GNG7: variants seen among roughly 807,000 people sequenced by gnomAD.
GNG7 encodes the protein guanine nucleotide-binding protein G(I)/G(S)/G(O) subunit gamma-7.
GNG7 carries 1 observed loss-of-function variant against 4.0 expected under a neutral mutation model. That is an observed-to-expected ratio of 0.25 (90% CI 0.09 to 1.18). The LOEUF (loss-of-function observed/expected upper bound fraction) is 1.18, where lower values mean the gene tolerates loss of function less well. Ranked by LOEUF, GNG7 falls within the 50% of genes most tolerant of loss-of-function variation. GNG7 has a pLI of 0.50. For synonymous variants in GNG7, 34 were observed against 36.9 expected, an observed-to-expected ratio of 0.92 and a Z score of 0.29; for missense variants, 86 against 91.9, an observed-to-expected ratio of 0.94 and a Z score of 0.26.
intron 2 of GNG7, among the ~76,000 whole-genome samples, chr19:2,588,237 G>C (rs1980734470): frequency 6.6e-6 from 1 of 152,176 alleles, no homozygotes; most frequent in African/African-American, 2.4e-5. Context: ...GGCGTGAGAG[G>C]GTGGCCGGGG....
chr19:2,589,893 C>T (rs1251298750), intron 2 of GNG7, among the ~76,000 whole-genome samples: 1 of 152,154 alleles, frequency 6.6e-6, no homozygotes, highest in Non-Finnish European at 1.5e-5. Flanking sequence ...CTCACTGCAA[C>T]CTCCACCTCC....
At chr19:2,603,040 TC>T (rs910978010) in intron 2 of GNG7, among the ~76,000 whole-genome samples, 12 of 150,796 alleles carry the variant, frequency 8.0e-5, no homozygotes, top group African/African-American at 2.9e-4. Flanking sequence ...TCCTTCCCTT[TC>T]TTTCTTTCTT....
intron 1 of GNG7, among the ~76,000 whole-genome samples, chr19:2,657,358 A>T (rs1983013988): frequency 4.7e-5 from 1 of 21,054 alleles, no homozygotes; most frequent in African/African-American, 1.3e-4. Context: ...AAAAAAAAAA[A>T]AAAATATATA....
At chr19:2,657,523 T>C (rs990247400) in intron 1 of GNG7, among the ~76,000 whole-genome samples, 1 of 150,532 alleles carries the variant, frequency 6.6e-6, no homozygotes, top group Non-Finnish European at 1.5e-5. Context: ...TATAGGACTT[T>C]TTGAATTCTG....
At chr19:2,632,752 AGAGT>A (rs905174336) in intron 2 of GNG7, 1 of 152,268 alleles carries the variant, frequency 6.6e-6, no homozygotes, top group African/African-American at 2.4e-5. Context: ...CCTGGGCAAC[AGAGT>A]GAGACTCTGA....
At position 2,513,035 on chromosome 19, in the gene GNG7, A is replaced by G. The variant is rs1037583469; in HGVS notation, c.*1987T>C. On this transcript the variant is annotated 3_prime_UTR_variant, in exon 5 of 5. Transcript: ENST00000382159. Reference sequence around the variant, plus strand: ...CTCCCCGAAGCCCCAGCCCTCCCGGACCTGCCGTAGAGAGCTGGGTGCCGG... The same window carrying G: ...CTCCCCGAAGCCCCAGCCCTCCCGGGCCTGCCGTAGAGAGCTGGGTGCCGG... The G allele has an allele frequency of 1.0e-6, 1 of 985,304 alleles. No homozygotes were observed. Among genetic ancestry groups the G allele is most frequent in the Non-Finnish European group, 1.2e-6 (1 of 829,886 alleles). 61.0% of individuals were successfully genotyped at this position (985,304 alleles called of 1,614,324 possible).
rs912362795 is a variant in GNG7, at chr19:2,617,070, A to G, written c.-78+29154T>C. Among the ~76,000 whole-genome samples the G allele has an allele frequency of 1.5e-4, 23 of 152,316 alleles. No individual in the cohort carries two copies. The East Asian group carries it at 2.7e-3, about 18-fold the overall frequency. On this transcript the variant is annotated intron_variant, in intron 2 of 4. Coordinates refer to ENST00000382159, the MANE Select transcript of GNG7 (RefSeq NM_052847.3). The surrounding 1 kb of genome is among the most constrained non-coding windows in gnomAD (Gnocchi z 4.7). ...GTGACTATCGGAAAAACTTTAGCTT[A>G]TTTCAGCCTAATTACATTCCGTTAA...
At chr19:2,676,953 C>A (rs1411203725) in intron 1 of GNG7, among the ~76,000 whole-genome samples, 2 of 152,182 alleles carry the variant, frequency 1.3e-5, no homozygotes, top group Non-Finnish European at 2.9e-5. Context: ...CTGATTTCCA[C>A]CCAGGCAGGA....
At position 2,511,881 on chromosome 19, in the gene GNG7, C is replaced by G. The variant is rs527541864; in HGVS notation, c.*3141G>C. 1 of 986,310 alleles carries G rather than the reference C, an allele frequency of 1.0e-6. No individual in the cohort carries two copies. Among genetic ancestry groups the G allele is most frequent in the Admixed American group, 6.1e-5 (1 of 16,282 alleles). The allele number at this position is 986,310 out of a possible 1,614,324, so 61.1% of individuals were successfully genotyped here. A position where few individuals can be genotyped will look rare whatever the true frequency, so the allele number is the denominator to read the frequency against. On this transcript the variant is annotated 3_prime_UTR_variant, in exon 5 of 5. Coordinates refer to ENST00000382159, the MANE Select transcript of GNG7 (RefSeq NM_052847.3). The surrounding 1 kb of genome is among the most constrained non-coding windows in gnomAD (Gnocchi z 6.3). ...TGGGAGAGGGGTGAGGGTTCTGGCT[C>G]CTTCCTGGAGAGAGGAGGGCAGGGG...
At chr19:2,615,715 G>T (rs149620587) in intron 2 of GNG7, among the ~76,000 whole-genome samples, 5 of 151,696 alleles carry the variant, frequency 3.3e-5, no homozygotes, top group Non-Finnish European at 7.4e-5. Flanking sequence ...TGCCCGCCTC[G>T]GCCTCCCAAA....
At chr19:2,651,739 T>C (rs940786163) in intron 1 of GNG7, among the ~76,000 whole-genome samples, 4 of 151,574 alleles carry the variant, frequency 2.6e-5, no homozygotes, top group Non-Finnish European at 5.9e-5. Context: ...CTAATTTTTG[T>C]AGTTTTTGTA....
intron 2 of GNG7, among the ~76,000 whole-genome samples, chr19:2,636,071 G>A (rs561852719): frequency 5.4e-4 from 82 of 152,298 alleles, no homozygotes; most frequent in African/African-American, 2.0e-3. Flanking sequence ...GAGCCAGGGG[G>A]AGAGAGACCC....
At chr19:2,673,487 A>G (rs1357737214) in intron 1 of GNG7, among the ~76,000 whole-genome samples, 5 of 151,034 alleles carry the variant, frequency 3.3e-5, no homozygotes, top group Non-Finnish European at 7.4e-5. Flanking sequence ...GAGGTCAGGA[A>G]TTCGAGACCA....
chr19:2,527,847 G>A (rs911924530), intron 3 of GNG7, among the ~76,000 whole-genome samples: 2 of 151,218 alleles, frequency 1.3e-5, no homozygotes, highest in African/African-American at 4.9e-5. Flanking sequence ...GTGTCCCCTG[G>A]GGGAAAATTT....
At chr19:2,579,041 C>T (rs542485416) in intron 2 of GNG7, among the ~76,000 whole-genome samples, 74 of 152,290 alleles carry the variant, frequency 4.9e-4, no homozygotes, top group African/African-American at 1.6e-3. Flanking sequence ...GACGGTTAAA[C>T]GAAAAAACAT....
chr19:2,655,207 C>T (rs1373965514), intron 1 of GNG7, among the ~76,000 whole-genome samples: 1 of 145,434 alleles, frequency 6.9e-6, no homozygotes, highest in Non-Finnish European at 1.5e-5. Context: ...AAAAAAAAAC[C>T]ACACACACAC....
chr19:2,519,152 T>TC (rs1471822525), intron 4 of GNG7, among the ~76,000 whole-genome samples: 2 of 137,926 alleles, frequency 1.5e-5, no homozygotes, highest in East Asian at 2.0e-4. Flanking sequence ...GTTTCTTTTT[T>TC]TTTTTTTTTT....
intron 2 of GNG7, among the ~76,000 whole-genome samples, chr19:2,568,302 C>CAT (rs1555694477): frequency 0.013 from 2,007 of 150,002 alleles, 27 homozygotes; most frequent in Non-Finnish European, 0.018. Flanking sequence ...TACACACGCA[C>CAT]ACACATACAC....
At chr19:2,621,177 G>A (rs1336462692) in intron 2 of GNG7, among the ~76,000 whole-genome samples, 4 of 152,094 alleles carry the variant, frequency 2.6e-5, no homozygotes, top group Non-Finnish European at 5.9e-5. Flanking sequence ...CAAAATTCTT[G>A]TCCACGGGGA....
Sources: allele counts gnomAD v4.1 joint callset (sites outside exome capture counted in the v4.1 genomes callset), GRCh38; gene constraint gnomAD v4.1.1; non-coding constraint Gnocchi (gnomAD v3.1); transcripts MANE v1.5; gene names NCBI Gene and HGNC (gene_info 2026-07-23, HGNC 2026-07-21).